SH2D4B: variants seen among roughly 807,000 people sequenced by gnomAD.
The protein encoded by SH2D4B is SH2 domain-containing protein 4B.
In SH2D4B, 45 loss-of-function variants were observed where a neutral mutation model predicts 61.5. The ratio of observed to expected loss-of-function variants is 0.73; its 90% CI spans 0.58 to 0.94. SH2D4B has a LOEUF of 0.94. Among genes scored for constraint, SH2D4B ranks in the 40% least tolerant of loss-of-function variants. The pLI is 0.00. For synonymous variants in SH2D4B, 224 were observed against 220.4 expected (o/e 1.02, Z -0.14); for missense variants, 572 against 574.2 (o/e 1.00, Z 0.04).
At position 80,571,464 on chromosome 10, in the gene SH2D4B, C is replaced by G. The variant is rs1842041353; in HGVS notation, c.381C>G (p.Phe127Leu). Residue 127 changes from phenylalanine (F) to leucine (L), a missense_variant, in exon 3 of 8, where the codon TTC becomes TTG. Transcript: ENST00000646907. ...AGGAGGCAGAGATCACCAAGAAGTT[C>G]CGGGATGCTCTGGCCAATGAGAAAG... Reference protein sequence around the residue: ...RQKEAEITKKFRDALANEKAR... With the variant: ...RQKEAEITKKLRDALANEKAR... 4 of 1,614,042 alleles carry G rather than the reference C, an allele frequency of 2.5e-6. No individual in the cohort carries two copies. In the South Asian group the frequency reaches 4.4e-5, roughly 18 times the overall value.
At chr10:80,642,742 G>A (rs1458475546) in intron 7 of SH2D4B, among the ~76,000 whole-genome samples, 1 of 152,184 alleles carries the variant, frequency 6.6e-6, no homozygotes, top group Admixed American at 6.5e-5. Context: ...TTCCCTGTGT[G>A]TCACTATGGA....
Position 80,607,690 on chromosome 10 carries a change from G to A in SH2D4B, c.861-1734G>A, listed in dbSNP as rs530995406. On this transcript the variant is annotated intron_variant, in intron 5 of 7. Coordinates refer to ENST00000646907, the MANE Select transcript of SH2D4B (RefSeq NM_001388272.1). ...CGCTGAGCACAGTGTCAAAGTGAGG[G>A]TACAGGGCAAATATGGAGACCACAT... 2.0e-5 allele frequency among the ~76,000 whole-genome samples: 3 copies of A among 152,170 alleles called. No individual in the cohort carries two copies. The South Asian group carries it at 6.2e-4, about 32-fold the overall frequency.
rs182686708 is a variant in SH2D4B at position 80,565,372 on chromosome 10, A to G, written c.185-4782A>G. Among the ~76,000 whole-genome samples, 6 of 150,394 alleles carry G rather than the reference A, an allele frequency of 4.0e-5. No individual in the cohort carries two copies. In the East Asian group the frequency reaches 1.2e-3, roughly 29 times the overall value. ...ATCATTCTACCCTCTATCTCCATGA[A>G]GAACTTTATTTCTTTTCCTTTTTTT... On this transcript the variant is annotated intron_variant, in intron 1 of 7. Coordinates refer to ENST00000646907, the MANE Select transcript of SH2D4B (RefSeq NM_001388272.1).
chr10:80,574,385 C>T (rs952769763), intron 3 of SH2D4B, among the ~76,000 whole-genome samples: 5 of 152,244 alleles, frequency 3.3e-5, no homozygotes, highest in East Asian at 1.9e-4. Flanking sequence ...AACCACCTAC[C>T]TTGGCCTCCC....
At chr10:80,557,981 G>A (rs903583081) in intron 1 of SH2D4B, among the ~76,000 whole-genome samples, 5 of 152,014 alleles carry the variant, frequency 3.3e-5, no homozygotes, top group African/African-American at 9.7e-5. Context: ...TGCTATAAAT[G>A]TCTTTCAGTG....
intron 6 of SH2D4B, among the ~76,000 whole-genome samples, chr10:80,617,240 C>T (rs1226130803): frequency 4.6e-5 from 7 of 152,286 alleles, no homozygotes; most frequent in South Asian, 2.1e-4. Flanking sequence ...GAGAGGTGGC[C>T]ATTTTCTTTA....
At chr10:80,618,689 G>C (rs980568910) in intron 6 of SH2D4B, among the ~76,000 whole-genome samples, 2 of 152,288 alleles carry the variant, frequency 1.3e-5, no homozygotes, top group Middle Eastern at 3.4e-3. Flanking sequence ...CCGTTGAGGC[G>C]TAGCTGCGGT....
intron 4 of SH2D4B, among the ~76,000 whole-genome samples, chr10:80,595,072 A>G (rs1205915159): frequency 1.3e-5 from 2 of 152,218 alleles, no homozygotes; most frequent in Non-Finnish European, 2.9e-5. Context: ...ATTTTGTACA[A>G]TTTTTGCACC....
intron 1 of SH2D4B, among the ~76,000 whole-genome samples, chr10:80,541,726 C>G (rs910013570): frequency 6.6e-6 from 1 of 152,188 alleles, no homozygotes; most frequent in Non-Finnish European, 1.5e-5. Flanking sequence ...CTCACAGCCC[C>G]GGAGTTGTGC....
chr10:80,582,503 C>T (rs533008089), intron 3 of SH2D4B, among the ~76,000 whole-genome samples: 37 of 152,280 alleles, frequency 2.4e-4, no homozygotes, highest in Non-Finnish European at 5.1e-4. Flanking sequence ...CCAGGACCCC[C>T]GCACTGGGGC....
intron 7 of SH2D4B, 26 bp from the exon 8 acceptor site, chr10:80,643,967 G>C (rs781502608): frequency 1.3e-6 from 2 of 1,588,744 alleles, no homozygotes; most frequent in Non-Finnish European, 1.7e-6. Flanking sequence ...GATTATAAGT[G>C]GATTTTCCTT....
intron 1 of SH2D4B, among the ~76,000 whole-genome samples, chr10:80,568,976 C>T (rs1842005250): frequency 6.6e-6 from 1 of 152,236 alleles, no homozygotes; most frequent in South Asian, 2.1e-4. Flanking sequence ...GATCTCTAGC[C>T]TGTTAAACAT....
chr10:80,572,061 T>C (rs1011011378), intron 3 of SH2D4B, among the ~76,000 whole-genome samples: 2 of 152,042 alleles, frequency 1.3e-5, no homozygotes, highest in South Asian at 2.1e-4. Flanking sequence ...CGTGAGCCAC[T>C]GCGCCCGGCC....
chr10:80,540,736 G>A, intron 1 of SH2D4B: 1 of 1,226,570 alleles, frequency 8.2e-7, no homozygotes, highest in African/African-American at 1.5e-5. Context: ...TCAGTGAATG[G>A]GGCAGTGCTT....
At chr10:80,614,369 C>T (rs957618221) in intron 6 of SH2D4B, among the ~76,000 whole-genome samples, 1 of 152,138 alleles carries the variant, frequency 6.6e-6, no homozygotes, top group Non-Finnish European at 1.5e-5. Context: ...CACACTTAAC[C>T]AGATCTCATG....
At position 80,645,215 on chromosome 10, in the gene SH2D4B, G is replaced by A. The variant is rs1198063731; in HGVS notation, c.*1130G>A. ...ATGGATTCTAGGAATGTTAGGGAAC[G>A]ATTTACTTTACCCGATGGCTGTATC... On this transcript the variant is annotated 3_prime_UTR_variant, in exon 8 of 8. Coordinates refer to ENST00000646907, the MANE Select transcript of SH2D4B (RefSeq NM_001388272.1). 3.9e-5 allele frequency: 6 copies of A among 152,208 alleles called. No individual in the cohort carries two copies. The highest frequency in any genetic ancestry group is 2.6e-4 in the Admixed American group (4 of 15,280). 9.4% of individuals were successfully genotyped at this position (152,208 alleles called of 1,614,324 possible). A position where few individuals can be genotyped will look rare whatever the true frequency, so the allele number is the denominator to read the frequency against.
chr10:80,585,335 T>G (rs1373849558), intron 3 of SH2D4B, among the ~76,000 whole-genome samples: 1 of 151,582 alleles, frequency 6.6e-6, no homozygotes, highest in Non-Finnish European at 1.5e-5. Context: ...TCTTTTTTTT[T>G]TTTTTGAGAT....
chr10:80,545,660 C>A (rs1162747181), intron 1 of SH2D4B, among the ~76,000 whole-genome samples: 1 of 152,200 alleles, frequency 6.6e-6, no homozygotes, highest in African/African-American at 2.4e-5. Context: ...GTTACAGTTT[C>A]TATCCCAGCA....
At chr10:80,609,318 C>T in intron 5 of SH2D4B, 106 bp from the exon 6 acceptor site, 1 of 1,295,374 alleles carries the variant, frequency 7.7e-7, no homozygotes, top group Non-Finnish European at 1.0e-6. Flanking sequence ...CCTCCTCCTC[C>T]TTTTACCTTC....
Sources: allele counts gnomAD v4.1 joint callset (sites outside exome capture counted in the v4.1 genomes callset), GRCh38; gene constraint gnomAD v4.1.1; transcripts MANE v1.5; gene names NCBI Gene and HGNC (gene_info 2026-07-23, HGNC 2026-07-21).